MYO10: variants seen among roughly 807,000 people sequenced by gnomAD.
MYO10 encodes unconventional myosin-X.
In MYO10, 133 loss-of-function variants were observed where a neutral mutation model predicts 257.3. That is an observed-to-expected ratio of 0.52 (90% CI 0.45 to 0.60). The LOEUF is 0.60. Among genes scored for constraint, MYO10 ranks in the 20% least tolerant of loss-of-function variants. The pLI is 0.00. For missense variants in MYO10, 2,399 were observed against 2,635.7 expected (o/e 0.91, Z 1.97); for synonymous variants, 1,104 against 1,028.6 (o/e 1.07, Z -1.40).
chr5:16,771,733 A>C (rs1741056842), intron 9 of MYO10, among the ~76,000 whole-genome samples: 1 of 151,350 alleles, frequency 6.6e-6, no homozygotes, highest in Non-Finnish European at 1.5e-5. Flanking sequence ...GTGCACACCA[A>C]CACACCTGGC....
At chr5:16,758,061 T>C in intron 18 of MYO10, 57 bp downstream of exon 18, 7 of 1,314,276 alleles carry the variant, frequency 5.3e-6, no homozygotes, top group East Asian at 2.3e-5. Context: ...AATCCTCTTT[T>C]CAGTTCTTAA....
intron 2 of MYO10, among the ~76,000 whole-genome samples, chr5:16,840,392 A>T (rs545659016): frequency 6.6e-6 from 1 of 150,392 alleles, no homozygotes; most frequent in East Asian, 2.0e-4. Context: ...AGCCTGGGCG[A>T]CAGAGCGACA....
At chr5:16,850,297 T>C (rs1394622919) in intron 2 of MYO10, among the ~76,000 whole-genome samples, 1 of 152,142 alleles carries the variant, frequency 6.6e-6, no homozygotes, top group African/African-American at 2.4e-5. Flanking sequence ...TATTTTGAGA[T>C]GGAGTCTCAC....
intron 1 of MYO10, among the ~76,000 whole-genome samples, chr5:16,885,962 G>A (rs1744886122): frequency 6.6e-6 from 1 of 152,144 alleles, no homozygotes. Context: ...ATAGGTCCTT[G>A]CCATAGAGTA....
At chr5:16,861,171 A>G (rs1744096750) in intron 2 of MYO10, among the ~76,000 whole-genome samples, 1 of 151,906 alleles carries the variant, frequency 6.6e-6, no homozygotes, top group Non-Finnish European at 1.5e-5. Context: ...TCAAGGGCGC[A>G]GCGTGGAAGC....
Position 16,784,443 on chromosome 5 carries a change from C to T in MYO10, c.468-974G>A, listed in dbSNP as rs543447089. ...ACCAGCTGCTGCCGTTGTTTAGGCC[C>T]GCGGTGGCCAGGTCCCAAACACAGT... On this transcript the variant is annotated intron_variant, in intron 4 of 40. Transcript: ENST00000513610. Among the ~76,000 whole-genome samples the T allele has an allele frequency of 2.0e-4, 31 of 152,278 alleles. No individual in the cohort carries two copies. The East Asian group carries it at 6.0e-3, about 29-fold the overall frequency.
chr5:16,933,694 A>G (rs1049813363), intron 1 of MYO10, among the ~76,000 whole-genome samples: 3 of 152,220 alleles, frequency 2.0e-5, no homozygotes, highest in African/African-American at 2.4e-5. Flanking sequence ...GCTCCATTAC[A>G]AGACATGAGA....
intron 40 of MYO10, among the ~76,000 whole-genome samples, chr5:16,667,999 G>A (rs2241593): frequency 0.094 from 14,220 of 152,064 alleles, 1,124 homozygotes; most frequent in African/African-American, 0.21. Context: ...GGACATCTAT[G>A]TCACTTCCCT....
chr5:16,880,604 T>C (rs73754024), intron 1 of MYO10, among the ~76,000 whole-genome samples: 36 of 152,296 alleles, frequency 2.4e-4, no homozygotes, highest in African/African-American at 8.4e-4. Flanking sequence ...AAAATGAATA[T>C]TAAGTGCTCC....
At chr5:16,710,019 TCTTTC>T (rs1280786474) in intron 21 of MYO10, among the ~76,000 whole-genome samples, 3 of 152,204 alleles carry the variant, frequency 2.0e-5, no homozygotes, top group Non-Finnish European at 4.4e-5. Flanking sequence ...GCTTTCTCCC[TCTTTC>T]CTTTCCTCTT....
At chr5:16,730,821 G>C (rs1010421605) in intron 19 of MYO10, among the ~76,000 whole-genome samples, 1 of 152,122 alleles carries the variant, frequency 6.6e-6, no homozygotes, top group Non-Finnish European at 1.5e-5. Flanking sequence ...ATCTGACAAA[G>C]GCAGAAAGAC....
intron 22 of MYO10, among the ~76,000 whole-genome samples, chr5:16,703,811 G>C (rs1738199182): frequency 6.6e-6 from 1 of 150,554 alleles, no homozygotes; most frequent in Non-Finnish European, 1.5e-5. Flanking sequence ...GAACCCGGGA[G>C]GCGGAGGTTG....
intron 1 of MYO10, among the ~76,000 whole-genome samples, chr5:16,909,794 C>T (rs557170542): frequency 7.9e-5 from 12 of 152,192 alleles, no homozygotes; most frequent in African/African-American, 2.4e-4. Flanking sequence ...GGGGCAGATC[C>T]CTCATGAATA....
chr5:16,888,099 G>A (rs1390121894), intron 1 of MYO10, among the ~76,000 whole-genome samples: 1 of 152,160 alleles, frequency 6.6e-6, no homozygotes, highest in Non-Finnish European at 1.5e-5. Context: ...TCATCCATCT[G>A]TAAATCGTTC....
chr5:16,667,248 G>A (rs981447093), intron 40 of MYO10, among the ~76,000 whole-genome samples: 4 of 152,090 alleles, frequency 2.6e-5, no homozygotes, highest in African/African-American at 9.7e-5. Flanking sequence ...AGGCCCCAGG[G>A]GCTGGGAGAG....
chr5:16,740,321 C>T (rs1438453471), intron 19 of MYO10, among the ~76,000 whole-genome samples: 33 of 151,726 alleles, frequency 2.2e-4, no homozygotes, highest in Admixed American at 1.9e-3. Context: ...CCCGTGAAAA[C>T]GTTAATTCAG....
intron 27 of MYO10, 69 bp from the exon 28 acceptor site, chr5:16,689,988 T>C (rs1737423611): frequency 4.4e-6 from 5 of 1,146,008 alleles, no homozygotes; most frequent in South Asian, 1.2e-5. Context: ...GGAAAGCAAC[T>C]AATGAAGCCA....
intron 22 of MYO10, among the ~76,000 whole-genome samples, 183 bp from the exon 23 acceptor site, chr5:16,703,341 AAAT>A (rs1738174533): frequency 6.6e-6 from 1 of 152,318 alleles, no homozygotes; most frequent in Non-Finnish European, 1.5e-5. Context: ...AAAAACAAAG[AAAT>A]AATAACAAAC....
At chr5:16,776,439 C>G (rs1741214986) in intron 9 of MYO10, among the ~76,000 whole-genome samples, 1 of 152,048 alleles carries the variant, frequency 6.6e-6, no homozygotes, top group African/African-American at 2.4e-5. Context: ...ATTGATACAC[C>G]TGCTAGACTA....
Sources: allele counts gnomAD v4.1 joint callset (sites outside exome capture counted in the v4.1 genomes callset), GRCh38; gene constraint gnomAD v4.1.1; transcripts MANE v1.5; gene names NCBI Gene and HGNC (gene_info 2026-07-23, HGNC 2026-07-21).